The following RMST variants were observed in gnomAD, a reference collection of about 807,000 sequenced individuals.
RMST encodes the protein rhabdomyosarcoma 2 associated transcript, also known as long intergenic non-protein coding RNA 54.
intron 10 of RMST, among the ~76,000 whole-genome samples, chr12:97,513,681 A>G (rs1879651074): frequency 6.6e-6 from 1 of 152,152 alleles, no homozygotes. Context: ...AATGAGTTTT[A>G]TTTTTATTTT....
At chr12:97,511,401 G>A (rs970477472) in intron 10 of RMST, among the ~76,000 whole-genome samples, 4 of 152,004 alleles carry the variant, frequency 2.6e-5, no homozygotes, top group South Asian at 4.2e-4. Flanking sequence ...CACCTGCCTC[G>A]GCCTCCCAAA....
intron 5 of RMST, among the ~76,000 whole-genome samples, chr12:97,470,623 C>T (rs933544336): frequency 6.6e-6 from 1 of 151,934 alleles, no homozygotes; most frequent in Non-Finnish European, 1.5e-5. Flanking sequence ...AATAGATTGT[C>T]ACTTTTATCT....
At chr12:97,463,617 T>A (rs1420002063) in intron 4 of RMST, among the ~76,000 whole-genome samples, 3 of 152,226 alleles carry the variant, frequency 2.0e-5, no homozygotes, top group Non-Finnish European at 4.4e-5. Context: ...CCATGCAGAA[T>A]TCAAGGGATG....
At chr12:97,511,128 C>G (rs1010912601) in intron 10 of RMST, among the ~76,000 whole-genome samples, 3 of 150,834 alleles carry the variant, frequency 2.0e-5, no homozygotes, top group African/African-American at 7.3e-5. Flanking sequence ...ATAATAAACT[C>G]TCTGGGAAAT....
At chr12:97,501,789 G>A (rs1186513840) in intron 10 of RMST, among the ~76,000 whole-genome samples, 3 of 152,276 alleles carry the variant, frequency 2.0e-5, no homozygotes, top group Admixed American at 6.5e-5. Context: ...TCCACCTGTC[G>A]AGAAATATCC....
chr12:97,497,546 G>A (rs1877574271), intron 10 of RMST, among the ~76,000 whole-genome samples: 1 of 152,132 alleles, frequency 6.6e-6, no homozygotes, highest in Non-Finnish European at 1.5e-5. Flanking sequence ...CGGCACTCTA[G>A]TGCACTAAAT....
At chr12:97,522,879 A>T (rs932073530) in intron 10 of RMST, among the ~76,000 whole-genome samples, 2 of 152,156 alleles carry the variant, frequency 1.3e-5, no homozygotes, top group Non-Finnish European at 2.9e-5. Context: ...TGCGTGGATT[A>T]TGGGCTTTAG....
At chr12:97,559,362 A>G (rs531575246) in intron 11 of RMST, among the ~76,000 whole-genome samples, 2 of 152,322 alleles carry the variant, frequency 1.3e-5, no homozygotes, top group African/African-American at 4.8e-5. Flanking sequence ...TTGGCTTTAA[A>G]TCTGTAAATT....
intron 10 of RMST, among the ~76,000 whole-genome samples, chr12:97,508,857 T>C (rs1878984794): frequency 6.6e-6 from 1 of 152,172 alleles, no homozygotes; most frequent in Admixed American, 6.5e-5. Flanking sequence ...CGGTCAAGAA[T>C]TACAACATTG....
At chr12:97,521,962 T>C (rs1851109623) in intron 10 of RMST, among the ~76,000 whole-genome samples, 1 of 152,236 alleles carries the variant, frequency 6.6e-6, no homozygotes, top group African/African-American at 2.4e-5. Flanking sequence ...TTATCTCACA[T>C]ACTTGATTGC....
chr12:97,526,800 G>A (rs1321762019), intron 10 of RMST, among the ~76,000 whole-genome samples: 2 of 152,082 alleles, frequency 1.3e-5, no homozygotes, highest in East Asian at 1.9e-4. Flanking sequence ...CCTTGCTCTT[G>A]TTTGCTACAC....
At chr12:97,480,633 C>T (rs1294783721) in intron 5 of RMST, among the ~76,000 whole-genome samples, 1 of 152,214 alleles carries the variant, frequency 6.6e-6, no homozygotes. Flanking sequence ...TATTCCCAAG[C>T]TAAATTCTAG....
chr12:97,548,108 C>T (rs1177162193), intron 11 of RMST, among the ~76,000 whole-genome samples: 1 of 152,024 alleles, frequency 6.6e-6, no homozygotes, highest in Non-Finnish European at 1.5e-5. Context: ...TCATTCTTCT[C>T]CATGTGAATG....
chr12:97,484,269 C>T (rs892655534), intron 5 of RMST, among the ~76,000 whole-genome samples: 1 of 152,164 alleles, frequency 6.6e-6, no homozygotes, highest in Non-Finnish European at 1.5e-5. Context: ...CGCACACTCA[C>T]ATATGCAGAT....
chr12:97,475,997 C>T (rs2136403606), intron 5 of RMST, among the ~76,000 whole-genome samples: 1 of 152,214 alleles, frequency 6.6e-6, no homozygotes, highest in East Asian at 1.9e-4. Flanking sequence ...GGACTATATG[C>T]TATGAGAGCT....
chr12:97,484,617 T>G (rs774601493), intron 5 of RMST, among the ~76,000 whole-genome samples: 11 of 152,204 alleles, frequency 7.2e-5, no homozygotes, highest in Non-Finnish European at 1.5e-4. Flanking sequence ...GGATAGACTA[T>G]ACATGTCACT....
intron 10 of RMST, among the ~76,000 whole-genome samples, chr12:97,496,594 TAATC>T (rs961807944): frequency 1.1e-4 from 17 of 152,210 alleles, no homozygotes; most frequent in African/African-American, 4.1e-4. Context: ...GAAGCTCACT[TAATC>T]AAGCAAATAT....
chr12:97,485,760 C>A (rs1593155909), intron 5 of RMST, among the ~76,000 whole-genome samples: 1 of 152,182 alleles, frequency 6.6e-6, no homozygotes, highest in South Asian at 2.1e-4. Flanking sequence ...TCCATCTGTC[C>A]AAGTCAAGAA....
intron 10 of RMST, among the ~76,000 whole-genome samples, chr12:97,514,156 G>C (rs1879697404): frequency 6.6e-6 from 1 of 152,164 alleles, no homozygotes; most frequent in Non-Finnish European, 1.5e-5. Context: ...CTGGCAAAGT[G>C]TGCTTTGGAT....
Sources: allele counts gnomAD v4.1 joint callset (sites outside exome capture counted in the v4.1 genomes callset), GRCh38; gene constraint gnomAD v4.1.1; transcripts MANE v1.5; gene names NCBI Gene and HGNC (gene_info 2026-07-23, HGNC 2026-07-21).